The following ROR1 variants were observed in gnomAD, a reference collection of about 807,000 sequenced individuals.
ROR1 encodes ROR family WNT receptor 1, also known as inactive tyrosine-protein kinase transmembrane receptor ROR1.
ROR1 carries 19 observed loss-of-function variants against 78.8 expected under a neutral mutation model. That is an observed-to-expected ratio of 0.24 (90% CI 0.17 to 0.35). ROR1 has a LOEUF of 0.35. Ranked by LOEUF, ROR1 falls within the 10% of genes least tolerant of loss-of-function variation. The probability of loss-of-function intolerance (pLI) is 1.00; values close to 1 mark genes in which losing one functional copy is unlikely to be tolerated. For missense variants in ROR1, 917 were observed against 1,177.8 expected, an observed-to-expected ratio of 0.78 and a Z score of 3.24; for synonymous variants, 386 against 433.6, an observed-to-expected ratio of 0.89 and a Z score of 1.36.
At chr1:64,129,120 A>G (rs891924144) in intron 4 of ROR1, among the ~76,000 whole-genome samples, 1 of 152,196 alleles carries the variant, frequency 6.6e-6, no homozygotes, top group Non-Finnish European at 1.5e-5. Flanking sequence ...TACGGAGGCC[A>G]GTAGTCTTTT....
chr1:63,836,649 A>G (rs753663294), intron 1 of ROR1, among the ~76,000 whole-genome samples: 1 of 152,234 alleles, frequency 6.6e-6, no homozygotes, highest in Non-Finnish European at 1.5e-5. Context: ...TGCACTTGGC[A>G]CTAATCAGAC....
rs560841771 is a variant in ROR1 at position 64,150,899 on chromosome 1, G to C, written c.1175-8082G>C. Among the ~76,000 whole-genome samples, 11 of 152,284 alleles carry C rather than the reference G, an allele frequency of 7.2e-5. No individual in the cohort carries two copies. In the South Asian group the frequency reaches 2.1e-3, roughly 29 times the overall value. Reference sequence around the variant, plus strand: ...ATTGAGTCATTTACCCAGTGTGTAAGCTGCTCTAGCAATAAGCTTCTGAAA... The same window carrying C: ...ATTGAGTCATTTACCCAGTGTGTAACCTGCTCTAGCAATAAGCTTCTGAAA... On this transcript the variant is annotated intron_variant, in intron 7 of 8. Coordinates refer to ENST00000371079, the MANE Select transcript of ROR1 (RefSeq NM_005012.4).
At chr1:64,144,127 T>C (rs1015243847) in intron 7 of ROR1, among the ~76,000 whole-genome samples, 2 of 152,176 alleles carry the variant, frequency 1.3e-5, no homozygotes, top group African/African-American at 4.8e-5. Context: ...ATGGATCAGA[T>C]GTGGGATATA....
At chr1:63,893,659 G>A (rs903219723) in intron 1 of ROR1, among the ~76,000 whole-genome samples, 2 of 151,818 alleles carry the variant, frequency 1.3e-5, no homozygotes, top group Non-Finnish European at 1.5e-5. Context: ...ACAGGCTTCC[G>A]TGTTTCTAAG....
chr1:64,060,334 C>T (rs1187939502), intron 4 of ROR1, among the ~76,000 whole-genome samples: 5 of 152,344 alleles, frequency 3.3e-5, no homozygotes, highest in Admixed American at 6.5e-5. Context: ...TTCCTTCTTT[C>T]CAGCCAGAGT....
At chr1:63,844,914 G>A (rs1645071612) in intron 1 of ROR1, among the ~76,000 whole-genome samples, 1 of 152,154 alleles carries the variant, frequency 6.6e-6, no homozygotes, top group South Asian at 2.1e-4. Flanking sequence ...GTAGAAAGGA[G>A]CTTCTTTTTA....
At chr1:64,104,409 C>G (rs1484275241) in intron 4 of ROR1, among the ~76,000 whole-genome samples, 1 of 152,118 alleles carries the variant, frequency 6.6e-6, no homozygotes. Flanking sequence ...AGGAAAATCA[C>G]AAGTGTGCCC....
In ROR1 at chr1:63,774,298, C is replaced by A; in HGVS notation, c.-120C>A. ...GAGGGACAAAGAGCTTTGCAGACGT[C>A]CCCGGCGTCCTGCGAGCGCCAGCGG... On this transcript the variant is annotated 5_prime_UTR_variant, in exon 1 of 9. Coordinates refer to ENST00000371079, the MANE Select transcript of ROR1 (RefSeq NM_005012.4). This position sits in a 1 kb window ranked among gnomAD's most constrained non-coding sequence, Gnocchi z 5.7. 2.0e-6 allele frequency: 1 copy of A among 509,448 alleles called. No homozygotes were observed. Among genetic ancestry groups the A allele is most frequent in the Non-Finnish European group, 3.1e-6 (1 of 323,798 alleles). The allele number at this position is 509,448 out of a possible 1,614,324, so 31.6% of individuals were successfully genotyped here. A position where few individuals can be genotyped will look rare whatever the true frequency, so the allele number is the denominator to read the frequency against.
At chr1:64,115,863 C>T (rs1421949362) in intron 4 of ROR1, among the ~76,000 whole-genome samples, 3 of 151,960 alleles carry the variant, frequency 2.0e-5, no homozygotes, top group Admixed American at 6.6e-5. Context: ...ATACCTGCCT[C>T]TGCATGATTC....
chr1:64,005,775 T>A (rs1557605036), intron 1 of ROR1, among the ~76,000 whole-genome samples: 2 of 152,196 alleles, frequency 1.3e-5, no homozygotes, highest in African/African-American at 4.8e-5. Flanking sequence ...GCCTTTATTT[T>A]AAAAAAATAT....
At chr1:64,085,233 T>C (rs540569926) in intron 4 of ROR1, among the ~76,000 whole-genome samples, 44 of 152,346 alleles carry the variant, frequency 2.9e-4, no homozygotes, top group African/African-American at 1.0e-3. Context: ...GCATCAATTA[T>C]GCATTCTCAA....
chr1:63,803,633 C>T (rs1022660496), intron 1 of ROR1, among the ~76,000 whole-genome samples: 8 of 152,212 alleles, frequency 5.3e-5, no homozygotes, highest in African/African-American at 1.4e-4. Context: ...CGTGAGCCAC[C>T]GCGCCCGGCC....
Position 63,815,478 on chromosome 1 carries a change from C to CTTTTTTTTTTTTTTTTTTTTTTTTTT in ROR1, c.91+40975_91+40976insTTTTTTTTTTTTTTTTTTTTTTTTTT, listed in dbSNP as rs1446331528. ...TTTTCTTTTTCTTTTCTTTTCTTTT[C>CTTTTTTTTTTTTTTTTTTTTTTTTTT]TTTTTCTTTTTTTTTTTTTTTTGAG... On this transcript the variant is annotated intron_variant, in intron 1 of 8. Transcript: ENST00000371079. 3.1e-4 allele frequency among the ~76,000 whole-genome samples: 32 copies of CTTTTTTTTTTTTTTTTTTTTTTTTTT among 103,496 alleles called. 2 individuals carry two copies. The highest frequency in any genetic ancestry group is 1.2e-3 in the African/African-American group (22 of 19,006). The allele number at this position is 103,496 out of a possible 152,430, so 67.9% of individuals were successfully genotyped here.
At chr1:64,118,910 C>T (rs1393942975) in intron 4 of ROR1, among the ~76,000 whole-genome samples, 4 of 152,142 alleles carry the variant, frequency 2.6e-5, no homozygotes, top group African/African-American at 7.2e-5. Context: ...CTAGGTGACA[C>T]GTGAAAGTCC....
intron 1 of ROR1, among the ~76,000 whole-genome samples, chr1:63,874,858 G>GT (rs1029568177): frequency 1.3e-5 from 2 of 151,230 alleles, no homozygotes; most frequent in African/African-American, 4.9e-5. Context: ...CACAGGGCAA[G>GT]TTTCATTTCA....
intron 1 of ROR1, among the ~76,000 whole-genome samples, chr1:63,895,693 G>T (rs1241527211): frequency 6.6e-6 from 1 of 152,128 alleles, no homozygotes; most frequent in Non-Finnish European, 1.5e-5. Context: ...ATTTTCCCAC[G>T]AAGGAACCAA....
rs568521448 is a variant in ROR1, at chr1:63,998,981, C to T, written c.92-10324C>T. On this transcript the variant is annotated intron_variant, in intron 1 of 8. Coordinates refer to ENST00000371079, the MANE Select transcript of ROR1 (RefSeq NM_005012.4). ...CTTCTCTCTCATCCTCTCTTGCCAA[C>T]GCCATACTGTAAGAAGTACCTTTCG... Among the ~76,000 whole-genome samples the T allele has an allele frequency of 7.2e-5, 11 of 152,310 alleles. No homozygotes were observed. In the South Asian group the frequency reaches 2.1e-3, roughly 29 times the overall value.
In ROR1 at chr1:63,993,149, A is replaced by G. The variant is rs150496658; in HGVS notation, c.92-16156A>G. On this transcript the variant is annotated intron_variant, in intron 1 of 8. Coordinates refer to ENST00000371079, the MANE Select transcript of ROR1 (RefSeq NM_005012.4). ...TCTTTTGTCTACATTTCTAATGTCTACTCATCCTTAAAACTCAACTCAAAA... is the reference window on the plus strand; with the variant it reads ...TCTTTTGTCTACATTTCTAATGTCTGCTCATCCTTAAAACTCAACTCAAAA... Among the ~76,000 whole-genome samples the G allele has an allele frequency of 2.8e-4, 42 of 152,226 alleles. 2 individuals carry two copies. Among genetic ancestry groups the G allele is most frequent in the African/African-American group, 9.9e-4 (41 of 41,546 alleles).
intron 2 of ROR1, among the ~76,000 whole-genome samples, chr1:64,040,941 G>A (rs183409437): frequency 3.3e-5 from 5 of 152,232 alleles, no homozygotes; most frequent in Admixed American, 3.3e-4. Flanking sequence ...CTGCTCCTGG[G>A]GTAAAAATAA....
Sources: gnomAD v4.1 joint callset for allele counts (sites outside exome capture counted in the v4.1 genomes callset) on GRCh38, gnomAD v4.1.1 for gene constraint, Gnocchi (gnomAD v3.1) non-coding constraint, MANE v1.5 for transcripts, NCBI Gene and HGNC (gene_info 2026-07-23, HGNC 2026-07-21) for gene names.